The following MPPED2 variants were observed in gnomAD, a reference collection of about 807,000 sequenced individuals.
MPPED2 encodes the protein metallophosphoesterase MPPED2.
Under a neutral mutation model 33.0 loss-of-function variants are expected in MPPED2, and 5 were observed. That is an observed-to-expected ratio of 0.15 (90% CI 0.08 to 0.32). The LOEUF (loss-of-function observed/expected upper bound fraction) is 0.32. Ranked by LOEUF, MPPED2 falls within the 10% of genes least tolerant of loss-of-function variation. The pLI, the probability that MPPED2 is intolerant of heterozygous loss-of-function variation, is 1.00. For synonymous variants in MPPED2, 136 were observed against 141.9 expected, an observed-to-expected ratio of 0.96 and a Z score of 0.29; for missense variants, 275 against 372.1, an observed-to-expected ratio of 0.74 and a Z score of 2.15.
intron 4 of MPPED2, among the ~76,000 whole-genome samples, chr11:30,436,038 A>G (rs531625523): frequency 6.8e-6 from 1 of 147,618 alleles, no homozygotes; most frequent in African/African-American, 2.5e-5. Flanking sequence ...TATTAGTGTT[A>G]AAGTTTAGCA....
intron 6 of MPPED2, among the ~76,000 whole-genome samples, chr11:30,399,362 A>T (rs1279610452): frequency 1.3e-5 from 2 of 152,196 alleles, no homozygotes; most frequent in Admixed American, 1.3e-4. Flanking sequence ...GGTAAGAAAA[A>T]AATATATGTT....
intron 2 of MPPED2, among the ~76,000 whole-genome samples, chr11:30,576,809 G>A (rs1490933728): frequency 6.6e-6 from 1 of 151,788 alleles, no homozygotes; most frequent in African/African-American, 2.4e-5. Flanking sequence ...ACAAATTCTA[G>A]GTTAAATTTT....
At chr11:30,509,372 A>G (rs1198318911) in intron 3 of MPPED2, among the ~76,000 whole-genome samples, 1 of 152,240 alleles carries the variant, frequency 6.6e-6, no homozygotes, top group Non-Finnish European at 1.5e-5. Context: ...CTATGCACTT[A>G]AAGATTTTTC....
rs1451541428 is a variant in MPPED2, at chr11:30,536,671, C to G, written c.129-496G>C. Among the ~76,000 whole-genome samples, 8 of 152,192 alleles carry G rather than the reference C, an allele frequency of 5.3e-5. No individual in the cohort carries two copies. The South Asian group carries it at 6.2e-4, about 12-fold the overall frequency. ...CCAACTGAGATGTGGAGAGATAGCA[C>G]TTATATTTAATTTCCTTTCCACAAC... On this transcript the variant is annotated intron_variant, in intron 2 of 6. Transcript: ENST00000358117.
At chr11:30,411,678 G>A in intron 6 of MPPED2, 92 bp from the exon 7 acceptor site, 1 of 1,054,422 alleles carries the variant, frequency 9.5e-7, no homozygotes, top group Non-Finnish European at 1.3e-6. Flanking sequence ...AAAAATTTTT[G>A]TCAGTGGGCA....
chr11:30,402,443 T>C (rs1448619526), intron 6 of MPPED2, among the ~76,000 whole-genome samples: 1 of 152,194 alleles, frequency 6.6e-6, no homozygotes, highest in East Asian at 1.9e-4. Flanking sequence ...AGACAGATTG[T>C]GATGAGAAGT....
chr11:30,417,393 C>G (rs915337943), intron 5 of MPPED2, 125 bp downstream of exon 5: 9 of 575,162 alleles, frequency 1.6e-5, no homozygotes, highest in East Asian at 3.0e-5. Flanking sequence ...AAGACATTGA[C>G]TTTTCTTCTC....
At chr11:30,422,728 A>G (rs564790789) in intron 4 of MPPED2, among the ~76,000 whole-genome samples, 43 of 152,312 alleles carry the variant, frequency 2.8e-4, no homozygotes, top group African/African-American at 1.0e-3. Flanking sequence ...TGTGACTAAC[A>G]AATACCACAT....
In MPPED2 at chr11:30,487,430, T is replaced by C. The variant is rs553348325; in HGVS notation, c.536+7866A>G. Among the ~76,000 whole-genome samples, 7 of 152,308 alleles carry C rather than the reference T, an allele frequency of 4.6e-5. No homozygotes were observed. The South Asian group carries it at 1.0e-3, about 23-fold the overall frequency. ...GATATGTGTTGTGGAGGAAGTTGCCTCTGTGGTGCAGGAACAGCAGGAGCT... is the reference window on the plus strand; with the variant it reads ...GATATGTGTTGTGGAGGAAGTTGCCCCTGTGGTGCAGGAACAGCAGGAGCT... On this transcript the variant is annotated intron_variant, in intron 4 of 6. Coordinates refer to ENST00000358117, the MANE Select transcript of MPPED2 (RefSeq NM_001584.3).
intron 4 of MPPED2, among the ~76,000 whole-genome samples, chr11:30,443,090 T>G (rs1949655081): frequency 6.6e-6 from 1 of 152,180 alleles, no homozygotes; most frequent in African/African-American, 2.4e-5. Context: ...ATACTTTCTC[T>G]GCTCATAGAC....
chr11:30,560,752 C>T (rs190736924), intron 2 of MPPED2, among the ~76,000 whole-genome samples: 23 of 152,148 alleles, frequency 1.5e-4, no homozygotes, highest in Non-Finnish European at 1.2e-4. Flanking sequence ...CACTTACAGG[C>T]GATGCAAATG....
intron 4 of MPPED2, among the ~76,000 whole-genome samples, chr11:30,476,074 CA>C (rs1951180431): frequency 6.6e-6 from 1 of 151,848 alleles, no homozygotes; most frequent in African/African-American, 2.4e-5. Context: ...AACTTCTGAG[CA>C]TTTTTTATTG....
At chr11:30,472,361 G>GAATAATAATAATAAT (rs35857172) in intron 4 of MPPED2, among the ~76,000 whole-genome samples, 72 of 150,852 alleles carry the variant, frequency 4.8e-4, no homozygotes, top group African/African-American at 1.7e-3. Context: ...GGCCTGTCTC[G>GAATAATAATAATAAT]AATAATAATA....
intron 4 of MPPED2, among the ~76,000 whole-genome samples, chr11:30,470,872 A>T (rs1271703161): frequency 1.3e-5 from 2 of 152,084 alleles, no homozygotes; most frequent in Non-Finnish European, 2.9e-5. Flanking sequence ...TCCTGCATAG[A>T]CCAATTTTTA....
intron 5 of MPPED2, among the ~76,000 whole-genome samples, chr11:30,416,849 G>A (rs1451626398): frequency 7.9e-5 from 12 of 152,242 alleles, no homozygotes; most frequent in East Asian, 7.7e-4. Flanking sequence ...TAACAAGTTC[G>A]TGAAAAATTA....
downstream of MPPED2, among the ~76,000 whole-genome samples, chr11:30,384,125 A>T (rs1413102329): frequency 1.3e-5 from 2 of 150,698 alleles, no homozygotes; most frequent in Non-Finnish European, 3.0e-5. Context: ...TTGAGTGCCT[A>T]TTACATGCTA....
chr11:30,413,347 C>T (rs928258878), intron 6 of MPPED2, among the ~76,000 whole-genome samples: 3 of 152,204 alleles, frequency 2.0e-5, no homozygotes, highest in Admixed American at 6.5e-5. Flanking sequence ...CGGCTGCCCA[C>T]GTAAACACGG....
rs1300417748 is a variant in MPPED2 at position 30,411,578 on chromosome 11, T to C, written c.775A>G (p.Ile259Val). 3.7e-6 allele frequency: 6 copies of C among 1,613,052 alleles called. No homozygotes were observed. The highest frequency in any genetic ancestry group is 1.7e-5 in the Admixed American group (1 of 60,006). ...VFGGIHEGYG[I>V]MTDGYTTYIN... The stretch of plus-strand genomic sequence containing the variant: ...TACGTTGTGTAACCGTCGGTCATGA[T>C]GCCATAACCTGTGGGGAGAGCGTGT... The change falls in exon 7 of 7, where the codon ATC becomes GTC. Residue 259 changes from isoleucine to valine, a missense_variant. Physicochemically the swap from Ile to Val is conservative, Grantham distance 29. Coordinates refer to ENST00000358117, the MANE Select transcript of MPPED2 (RefSeq NM_001584.3).
In MPPED2 at chr11:30,495,356, C is replaced by G; in HGVS notation, c.476G>C (p.Ser159Thr). ...TACCTCCGAATCTTGTAAGTAAATA[C>G]TGTTTGTCAGGAGGGACTGAACATT... ...FDNVQSLLTNSIYLQDSEVTV... is the reference protein window; with the variant it reads ...FDNVQSLLTNTIYLQDSEVTV... Residue 159 changes from serine to threonine, a missense_variant, in exon 4 of 7, where the codon AGT (serine) becomes ACT (threonine). By Grantham distance (58) the Ser-to-Thr change is moderately conservative. Coordinates refer to ENST00000358117, the MANE Select transcript of MPPED2 (RefSeq NM_001584.3). The G allele has an allele frequency of 6.2e-7, 1 of 1,614,152 alleles. No homozygotes were observed. The highest frequency in any genetic ancestry group is 8.5e-7 in the Non-Finnish European group (1 of 1,180,000).
Sources: gnomAD v4.1 joint callset for allele counts (sites outside exome capture counted in the v4.1 genomes callset) on GRCh38, gnomAD v4.1.1 for gene constraint, MANE v1.5 for transcripts, NCBI Gene and HGNC (gene_info 2026-07-23, HGNC 2026-07-21) for gene names.